SLC7A1: variants seen among roughly 807,000 people sequenced by gnomAD.
The protein encoded by SLC7A1 is solute carrier family 7 member 1, also known as high affinity cationic amino acid transporter 1.
In SLC7A1, 10 loss-of-function variants were observed where a neutral mutation model predicts 53.9. The observed-to-expected ratio is 0.19, with a 90% CI of 0.11 to 0.31. The LOEUF (loss-of-function observed/expected upper bound fraction) is 0.31. Among genes scored for constraint, SLC7A1 ranks in the 10% least tolerant of loss-of-function variants. The pLI, the probability that SLC7A1 is intolerant of heterozygous loss-of-function variation, is 1.00. For missense variants in SLC7A1, 525 were observed against 827.2 expected (o/e 0.63, Z 4.48); for synonymous variants, 342 against 338.7 (o/e 1.01, Z -0.11).
chr13:29,544,867 C>CGT lies in SLC7A1; in HGVS notation c.-14-8666_-14-8665insAC, dbSNP rs1427286661. ...ACAGGTGACATCGCACCTGCCTCAT[C>CGT]GGGGGGGGGGGGCAAGCTCTTCCCA... is the stretch of plus-strand genomic sequence containing the variant. On this transcript the variant is annotated intron_variant, in intron 2 of 12. Transcript: ENST00000380752. Among the ~76,000 whole-genome samples, 18 of 115,614 alleles carry CGT rather than the reference C, an allele frequency of 1.6e-4. 1 individual carries two copies. Among genetic ancestry groups the CGT allele is most frequent in the African/African-American group, 7.1e-4 (18 of 25,176 alleles). 75.8% of individuals were successfully genotyped at this position (115,614 alleles called of 152,430 possible).
rs1044122257 is a variant in SLC7A1 at position 29,512,321 on chromosome 13, T to C, written c.*2159A>G. 2.0e-5 allele frequency: 3 copies of C among 152,196 alleles called. No individual in the cohort carries two copies. Among genetic ancestry groups the C allele is most frequent in the Non-Finnish European group, 2.9e-5 (2 of 68,044 alleles). The allele number at this position is 152,196 out of a possible 1,614,324, so 9.4% of individuals were successfully genotyped here. On this transcript the variant is annotated 3_prime_UTR_variant, in exon 13 of 13. Transcript: ENST00000380752. ...ACTCCCAGCTGTCAGCACGCTGTCA[T>C]GATGAGACTTGGAGCAGGGGAGACG...
chr13:29,587,469 C>T lies in SLC7A1; in HGVS notation c.-115+7947G>A, dbSNP rs188219500. On this transcript the variant is annotated intron_variant, in intron 1 of 12. Coordinates refer to ENST00000380752, the MANE Select transcript of SLC7A1 (RefSeq NM_003045.5). ...ATTTCACATTTTATTTCTTCCGTAGCCCACTGGTAGGGGCCAAGAGGCTCA... is the reference window on the plus strand; with the variant it reads ...ATTTCACATTTTATTTCTTCCGTAGTCCACTGGTAGGGGCCAAGAGGCTCA... Among the ~76,000 whole-genome samples, 4 of 152,166 alleles carry T rather than the reference C, an allele frequency of 2.6e-5. No homozygotes were observed. In the South Asian group the frequency reaches 8.3e-4, roughly 32 times the overall value.
In SLC7A1 at chr13:29,517,614, T is replaced by C; in HGVS notation, c.1469A>G (p.Lys490Arg). The change falls in exon 10 of 13, where the codon AAA (lysine) becomes AGA (arginine). Residue 490 changes from lysine (K) to arginine (R), a missense_variant. Lys to Arg is a conservative substitution (Grantham distance 26, BLOSUM62 2). Transcript: ENST00000380752. The stretch of plus-strand genomic sequence containing the variant: ...AATGTTCACAATTAGCCCAGAGATT[T>C]TGGAAGGCTCCATGTTTTTGGGTGA... Reference protein sequence around the residue: ...ILSPKNMEPSKISGLIVNIST... With the variant: ...ILSPKNMEPSRISGLIVNIST... 6.2e-7 allele frequency: 1 copy of C among 1,614,240 alleles called. No individual in the cohort carries two copies.
chr13:29,539,664 C>T (rs988509730), intron 2 of SLC7A1, among the ~76,000 whole-genome samples: 1 of 152,176 alleles, frequency 6.6e-6, no homozygotes, highest in African/African-American at 2.4e-5. Context: ...GTTTCCCCCA[C>T]ACCAAGCCCA....
intron 1 of SLC7A1, among the ~76,000 whole-genome samples, chr13:29,574,412 C>T (rs1343705034): frequency 2.0e-5 from 3 of 152,170 alleles, no homozygotes; most frequent in African/African-American, 7.2e-5. Context: ...CTCACGTGAA[C>T]AAGAACACGA....
At chr13:29,582,739 C>T (rs528924272) in intron 1 of SLC7A1, among the ~76,000 whole-genome samples, 3 of 152,282 alleles carry the variant, frequency 2.0e-5, no homozygotes, top group South Asian at 2.1e-4. Flanking sequence ...TTTGTATGCA[C>T]GTGTGGTCTA....
intron 8 of SLC7A1, among the ~76,000 whole-genome samples, chr13:29,519,772 T>C (rs1232492198): frequency 6.6e-6 from 1 of 151,254 alleles, no homozygotes; most frequent in Non-Finnish European, 1.5e-5. Flanking sequence ...GTAATCATCA[T>C]TAACATTTGT....
chr13:29,535,359 G>A (rs1215603751), intron 3 of SLC7A1, among the ~76,000 whole-genome samples: 2 of 152,202 alleles, frequency 1.3e-5, no homozygotes, highest in African/African-American at 4.8e-5. Context: ...GAGATACACT[G>A]TAGAAAAATA....
At chr13:29,562,990 C>T (rs1289271045) in intron 1 of SLC7A1, among the ~76,000 whole-genome samples, 6 of 152,220 alleles carry the variant, frequency 3.9e-5, no homozygotes, top group Admixed American at 1.3e-4. Context: ...GAAAAGGCTA[C>T]AAACTCCTTC....
At chr13:29,527,334 G>A (rs1868943945) in intron 5 of SLC7A1, among the ~76,000 whole-genome samples, 1 of 152,114 alleles carries the variant, frequency 6.6e-6, no homozygotes, top group Non-Finnish European at 1.5e-5. Context: ...GAACCACGTA[G>A]TATTTTACCA....
At chr13:29,590,272 T>G (rs1301880016) in intron 1 of SLC7A1, among the ~76,000 whole-genome samples, 1 of 152,204 alleles carries the variant, frequency 6.6e-6, no homozygotes, top group Non-Finnish European at 1.5e-5. Flanking sequence ...TTTTCAGCTT[T>G]GCTTTTTCTA....
In SLC7A1 at chr13:29,586,622, C is replaced by A. The variant is rs1254387736; in HGVS notation, c.-115+8794G>T. On this transcript the variant is annotated intron_variant, in intron 1 of 12. Coordinates refer to ENST00000380752, the MANE Select transcript of SLC7A1 (RefSeq NM_003045.5). ...CTGAAAGACACTCCCAAATGCTTAC[C>A]ACAAGATAAAAACACAAAGGAGAGA... The A allele has an allele frequency of 7.9e-5, 12 of 152,088 alleles. 1 individual carries two copies. The highest frequency in any genetic ancestry group is 2.9e-5 in the Non-Finnish European group (2 of 68,030). 9.4% of individuals were successfully genotyped at this position (152,088 alleles called of 1,614,324 possible). A position where few individuals can be genotyped will look rare whatever the true frequency, so the allele number is the denominator to read the frequency against.
At chr13:29,528,621 GA>G (rs59505234) in intron 5 of SLC7A1, among the ~76,000 whole-genome samples, 3,727 of 149,030 alleles carry the variant, frequency 0.025, 152 homozygotes, top group African/African-American at 0.086. Flanking sequence ...GCTACGGCTG[GA>G]AAAAAAAAAG....
In SLC7A1 at chr13:29,514,524, C is replaced by T. The variant is rs201219239; in HGVS notation, c.1846G>A (p.Asp616Asn). The T allele has an allele frequency of 3.2e-5, 51 of 1,611,240 alleles. 1 individual carries two copies. Among genetic ancestry groups the T allele is most frequent in the Middle Eastern group, 3.3e-4 (2 of 6,084 alleles). Residue 616 changes from aspartate (D) to asparagine (N), a missense_variant, in exon 13 of 13, where the codon GAC (aspartate) becomes AAC (asparagine). Physicochemically the swap from Asp to Asn is conservative, Grantham distance 23. Transcript: ENST00000380752. The stretch of plus-strand genomic sequence containing the variant: ...TTGCCGTCAGGAGTCCTTGCTTGGT[C>T]GGCATCCAGGGACGCCTCCTCGCTG... ...WHSEEASLDA[D>N]QARTPDGNLD...
chr13:29,564,088 G>T (rs1372203729), intron 1 of SLC7A1, among the ~76,000 whole-genome samples: 7 of 152,174 alleles, frequency 4.6e-5, no homozygotes, highest in Non-Finnish European at 2.9e-5. Context: ...AAAATAGTGG[G>T]GAGAAAGAGG....
At chr13:29,549,213 A>G (rs907770783) in intron 2 of SLC7A1, among the ~76,000 whole-genome samples, 2 of 152,214 alleles carry the variant, frequency 1.3e-5, no homozygotes, top group Non-Finnish European at 2.9e-5. Flanking sequence ...GTATCTGGAA[A>G]CAAATGGCCA....
intron 2 of SLC7A1, among the ~76,000 whole-genome samples, chr13:29,544,205 C>G (rs1023114014): frequency 1.3e-5 from 2 of 152,110 alleles, no homozygotes; most frequent in East Asian, 3.8e-4. Context: ...GTCAGTAAAC[C>G]GTTTTCAACT....
intron 3 of SLC7A1, 56 bp downstream of exon 3, chr13:29,535,763 G>C (rs1869381953): frequency 6.4e-7 from 1 of 1,564,816 alleles, no homozygotes; most frequent in African/African-American, 1.3e-5. Flanking sequence ...CACTTTGGAG[G>C]TGGGAACAAA....
In SLC7A1 at chr13:29,517,225, G is replaced by A. The variant is rs558914643; in HGVS notation, c.1596C>T (p.Leu532=). The A allele has an allele frequency of 1.8e-5, 29 of 1,613,222 alleles. 1 individual carries two copies. The South Asian group carries it at 1.9e-4, about 10-fold the overall frequency. The change falls in exon 11 of 13, where the codon CTC becomes CTT. Residue 532 remains leucine, a synonymous_variant. Transcript: ENST00000380752. ...TKGALWAVFL[L]AGSALLCAVV... ...CGGCACAGAGGAGGGCAGACCCTGC[G>A]AGCAGAAAGACTGCCCACAGCGCCC... is the stretch of plus-strand genomic sequence containing the variant.
Sources: gnomAD v4.1 joint callset for allele counts (sites outside exome capture counted in the v4.1 genomes callset) on GRCh38, gnomAD v4.1.1 for gene constraint, MANE v1.5 for transcripts, NCBI Gene and HGNC (gene_info 2026-07-23, HGNC 2026-07-21) for gene names.